Variants in LRCH1 observed in about 807,000 individuals in gnomAD.
The protein encoded by LRCH1 is leucine-rich repeat and calponin homology domain-containing protein 1.
In LRCH1, 23 loss-of-function variants were observed where a neutral mutation model predicts 94.9. The ratio of observed to expected loss-of-function variants is 0.24; its 90% confidence interval spans 0.17 to 0.34. LRCH1 has a LOEUF of 0.34. Ranked by LOEUF, LRCH1 falls within the 10% of genes least tolerant of loss-of-function variation. The probability of loss-of-function intolerance (pLI) is 1.00; values close to 1 mark genes in which losing one functional copy is unlikely to be tolerated. For missense variants in LRCH1, 790 were observed against 945.9 expected, an observed-to-expected ratio of 0.84 and a Z score of 2.16; for synonymous variants, 364 against 354.9, an observed-to-expected ratio of 1.03 and a Z score of -0.29.
chr13:46,726,902 A>G (rs1207222042), intron 17 of LRCH1, among the ~76,000 whole-genome samples: 1 of 149,600 alleles, frequency 6.7e-6, no homozygotes, highest in Non-Finnish European at 1.5e-5. Context: ...TAAAACAGAG[A>G]TTTAAATAGG....
chr13:46,639,184 A>G lies in LRCH1; in HGVS notation c.308-11017A>G, dbSNP rs566735893. 6.6e-5 allele frequency among the ~76,000 whole-genome samples: 10 copies of G among 152,294 alleles called. No individual in the cohort carries two copies. The East Asian group carries it at 1.9e-3, about 29-fold the overall frequency. Reference sequence around the variant, plus strand: ...GTTTCATTCTTGATTCTAATCCTGGAATGATAACATACCAGCAAAGCAGCA... The same window carrying G: ...GTTTCATTCTTGATTCTAATCCTGGGATGATAACATACCAGCAAAGCAGCA... On this transcript the variant is annotated intron_variant, in intron 1 of 19. Coordinates refer to ENST00000389797, the MANE Select transcript of LRCH1 (RefSeq NM_001164211.2).
chr13:46,660,624 T>C (rs909951623), intron 2 of LRCH1, among the ~76,000 whole-genome samples: 1 of 152,220 alleles, frequency 6.6e-6, no homozygotes, highest in African/African-American at 2.4e-5. Context: ...TGATAGCGCC[T>C]TCCTTTGTTG....
chr13:46,610,105 A>C (rs2050731765), intron 1 of LRCH1, among the ~76,000 whole-genome samples: 1 of 152,204 alleles, frequency 6.6e-6, no homozygotes, highest in African/African-American at 2.4e-5. Context: ...AAGAAAGAGA[A>C]GGGAATGGAA....
At chr13:46,620,444 G>A (rs989733234) in intron 1 of LRCH1, among the ~76,000 whole-genome samples, 1 of 152,048 alleles carries the variant, frequency 6.6e-6, no homozygotes, top group Non-Finnish European at 1.5e-5. Flanking sequence ...TCCATGGTAT[G>A]TGCCTTTATA....
At chr13:46,594,391 G>A (rs1057093241) in intron 1 of LRCH1, among the ~76,000 whole-genome samples, 5 of 152,140 alleles carry the variant, frequency 3.3e-5, no homozygotes, top group African/African-American at 1.2e-4. Context: ...AACAAGTGTG[G>A]AATACTTGTT....
chr13:46,752,345 A>G (rs2138267348), exon 19 of LRCH1: 1 of 152,406 alleles, frequency 6.6e-6, no homozygotes, highest in African/African-American at 2.4e-5. Flanking sequence ...ACGCAAAAGA[A>G]AAGACACCAC....
chr13:46,684,102 A>G (rs1870476383), intron 4 of LRCH1, among the ~76,000 whole-genome samples: 1 of 152,230 alleles, frequency 6.6e-6, no homozygotes, highest in Non-Finnish European at 1.5e-5. Context: ...AACAACTGCA[A>G]TAAGAAGACC....
Position 46,712,986 on chromosome 13 carries a change from C to T in LRCH1, c.1654+389C>T, listed in dbSNP as rs182037989. Among the ~76,000 whole-genome samples, 825 of 152,258 alleles carry T rather than the reference C, an allele frequency of 5.4e-3. 7 individuals carry two copies. The highest frequency in any genetic ancestry group is 9.2e-3 in the Non-Finnish European group (626 of 68,018). On this transcript the variant is annotated intron_variant, in intron 15 of 19. Transcript: ENST00000389797. ...AAGTGACTCCTTTCTGAGACATCCT[C>T]ATTTGATTTCTGAGTCTGGTAGGTT...
In LRCH1 at chr13:46,600,618, T is replaced by TACACACACACACACACACACACACAC. The variant is rs3068695; in HGVS notation, c.307+46927_307+46952dup. ...AGTTTTTTTACATCCTGACCAGATT[T>TACACACACACACACACACACACACAC]ACACACACACACACACACACACACA... On this transcript the variant is annotated intron_variant, in intron 1 of 19. Coordinates refer to ENST00000389797, the MANE Select transcript of LRCH1 (RefSeq NM_001164211.2). Among the ~76,000 whole-genome samples the TACACACACACACACACACACACACAC allele has an allele frequency of 2.8e-5, 4 of 143,286 alleles. 1 individual carries two copies. Among genetic ancestry groups the TACACACACACACACACACACACACAC allele is most frequent in the South Asian group, 2.3e-4 (1 of 4,260 alleles). The allele number at this position is 143,286 out of a possible 152,430, so 94.0% of individuals were successfully genotyped here. A position where few individuals can be genotyped will look rare whatever the true frequency, so the allele number is the denominator to read the frequency against.
At chr13:46,557,008 G>T (rs957188764) in intron 1 of LRCH1, among the ~76,000 whole-genome samples, 3 of 152,190 alleles carry the variant, frequency 2.0e-5, no homozygotes, top group Admixed American at 6.5e-5. Flanking sequence ...TTACAGGATA[G>T]ATGGAATATC....
At chr13:46,633,324 G>T (rs2051041243) in intron 1 of LRCH1, among the ~76,000 whole-genome samples, 1 of 152,196 alleles carries the variant, frequency 6.6e-6, no homozygotes, top group African/African-American at 2.4e-5. Flanking sequence ...TATAACAAAA[G>T]AATATTGATT....
intron 1 of LRCH1, among the ~76,000 whole-genome samples, chr13:46,648,021 C>T (rs2051245057): frequency 6.6e-6 from 1 of 152,044 alleles, no homozygotes; most frequent in South Asian, 2.1e-4. Context: ...CACTTTATTT[C>T]TATTATTACT....
chr13:46,576,100 A>G (rs954319064), intron 1 of LRCH1, among the ~76,000 whole-genome samples: 2 of 152,168 alleles, frequency 1.3e-5, no homozygotes, highest in Non-Finnish European at 2.9e-5. Flanking sequence ...ATGGCCAAAG[A>G]AAGTGGCAGG....
intron 13 of LRCH1, among the ~76,000 whole-genome samples, chr13:46,707,616 A>G (rs17281886): frequency 0.16 from 24,057 of 152,230 alleles, 2,472 homozygotes; most frequent in Middle Eastern, 0.25. Flanking sequence ...CACAAGAAAG[A>G]CACAAAGCTT....
chr13:46,652,060 T>G (rs9567713), intron 2 of LRCH1, among the ~76,000 whole-genome samples: 30,450 of 56,538 alleles, frequency 0.54, 9,674 homozygotes, highest in East Asian at 0.78. Context: ...CTGATGTTTT[T>G]TTTTTTTTTT....
chr13:46,633,336 C>A (rs2138048373), intron 1 of LRCH1, among the ~76,000 whole-genome samples: 1 of 152,278 alleles, frequency 6.6e-6, no homozygotes, highest in South Asian at 2.1e-4. Flanking sequence ...ATATTGATTT[C>A]TAAAGCATGG....
At chr13:46,726,044 A>G (rs374833859) in intron 17 of LRCH1, among the ~76,000 whole-genome samples, 8 of 152,354 alleles carry the variant, frequency 5.3e-5, no homozygotes, top group African/African-American at 1.9e-4. Flanking sequence ...TATTATATGC[A>G]GTGTTTTTCA....
At chr13:46,733,792 A>G (rs1162682064) in intron 18 of LRCH1, 129 bp from the exon 19 acceptor site, 2 of 563,550 alleles carry the variant, frequency 3.5e-6, no homozygotes, top group Non-Finnish European at 3.2e-6. Context: ...CTATTTGCTT[A>G]TGTGTTATTT....
chr13:46,645,578 C>T (rs1227624301), intron 1 of LRCH1, among the ~76,000 whole-genome samples: 1 of 152,102 alleles, frequency 6.6e-6, no homozygotes, highest in Non-Finnish European at 1.5e-5. Context: ...AATGTTAGAA[C>T]TCATCTAGTT....
Sources: gnomAD v4.1 joint callset for allele counts (sites outside exome capture counted in the v4.1 genomes callset) on GRCh38, gnomAD v4.1.1 for gene constraint, MANE v1.5 for transcripts, NCBI Gene and HGNC (gene_info 2026-07-23, HGNC 2026-07-21) for gene names.